The following TRIP12 variants were observed in gnomAD, a reference collection of about 807,000 sequenced individuals.
The protein encoded by TRIP12 is thyroid hormone receptor interactor 12, also known as E3 ubiquitin-protein ligase TRIP12.
TRIP12 carries 25 observed loss-of-function variants against 244.2 expected under a neutral mutation model. The observed-to-expected ratio is 0.10, with a 90% CI of 0.07 to 0.14. TRIP12 has a LOEUF of 0.14. Among genes scored for constraint, TRIP12 ranks in the 10% least tolerant of loss-of-function variants. TRIP12 has a pLI of 1.00. For synonymous variants in TRIP12, 905 were observed against 873.1 expected, an observed-to-expected ratio of 1.04 and a Z score of -0.64; for missense variants, 1,677 against 2,486.4, an observed-to-expected ratio of 0.67 and a Z score of 6.92.
intron 1 of TRIP12, among the ~76,000 whole-genome samples, chr2:229,908,371 G>C (rs1246321823): frequency 6.6e-6 from 1 of 152,124 alleles, no homozygotes; most frequent in Non-Finnish European, 1.5e-5. Context: ...GAAATATCTT[G>C]GTAGTATTTT....
chr2:229,796,536 T>C (rs1036553315), intron 25 of TRIP12, 55 bp downstream of exon 25: 5 of 1,394,058 alleles, frequency 3.6e-6, no homozygotes, highest in Admixed American at 2.7e-5. Context: ...TGAAAATATA[T>C]GCATTAGTGA....
At chr2:229,783,931 A>G (rs897767714) in intron 34 of TRIP12, among the ~76,000 whole-genome samples, 2 of 151,700 alleles carry the variant, frequency 1.3e-5, no homozygotes, top group African/African-American at 2.4e-5. Context: ...ACCAACATGC[A>G]GAAACCCTGT....
At chr2:229,921,120 T>G (rs545434447) in intron 1 of TRIP12, among the ~76,000 whole-genome samples, 1 of 152,018 alleles carries the variant, frequency 6.6e-6, no homozygotes, top group South Asian at 2.1e-4. Context: ...TTTCTCGGCT[T>G]CTTTAGGCCT....
intron 1 of TRIP12, among the ~76,000 whole-genome samples, chr2:229,890,119 G>A (rs1037559505): frequency 6.5e-5 from 9 of 138,834 alleles, no homozygotes; most frequent in Non-Finnish European, 1.2e-4. Flanking sequence ...TTGTTCTGTC[G>A]CCCAGGCTGG....
chr2:229,922,392 A>G (rs1315779874), upstream of TRIP12: 2 of 924,384 alleles, frequency 2.2e-6, no homozygotes, highest in Non-Finnish European at 3.4e-6. Context: ...GATCGCCCCA[A>G]GTTAGAAATC....
chr2:229,896,281 T>A (rs2068791261), intron 1 of TRIP12, among the ~76,000 whole-genome samples: 1 of 152,128 alleles, frequency 6.6e-6, no homozygotes, highest in Non-Finnish European at 1.5e-5. Context: ...AAAGACCTTG[T>A]TAAATATACT....
intron 34 of TRIP12, among the ~76,000 whole-genome samples, chr2:229,785,429 T>C (rs116205907): frequency 6.6e-6 from 1 of 152,218 alleles, no homozygotes; most frequent in Non-Finnish European, 1.5e-5. Flanking sequence ...TTTTGAAGTA[T>C]GCAGTTATTA....
At chr2:229,843,844 T>A (rs1481344609) in intron 4 of TRIP12, among the ~76,000 whole-genome samples, 1 of 151,280 alleles carries the variant, frequency 6.6e-6, no homozygotes, top group Non-Finnish European at 1.5e-5. Context: ...ATTACACTAC[T>A]GCACTCCAGC....
At chr2:229,801,807 G>T (rs2044422965) in intron 21 of TRIP12, among the ~76,000 whole-genome samples, 1 of 152,068 alleles carries the variant, frequency 6.6e-6, no homozygotes, top group African/African-American at 2.4e-5. Context: ...TGGGGAATCA[G>T]TATTTTTTGG....
At chr2:229,913,844 AAAC>A (rs2074830273) in intron 1 of TRIP12, among the ~76,000 whole-genome samples, 1 of 152,358 alleles carries the variant, frequency 6.6e-6, no homozygotes, top group East Asian at 1.9e-4. Flanking sequence ...GTTAAAATGT[AAAC>A]AACTAATTAT....
chr2:229,809,477 A>AG (rs1233308666), intron 15 of TRIP12, among the ~76,000 whole-genome samples: 11 of 152,342 alleles, frequency 7.2e-5, no homozygotes, highest in African/African-American at 1.9e-4. Flanking sequence ...AAGAAAAAAA[A>AG]TGTTAAAACA....
At chr2:229,889,191 G>C (rs971828325) in intron 1 of TRIP12, among the ~76,000 whole-genome samples, 70 of 152,312 alleles carry the variant, frequency 4.6e-4, no homozygotes, top group African/African-American at 1.6e-3. Context: ...CTCCAAGTAA[G>C]GAAGTACGTG....
intron 34 of TRIP12, among the ~76,000 whole-genome samples, chr2:229,784,480 A>T (rs2154252192): frequency 6.6e-6 from 1 of 150,842 alleles, no homozygotes; most frequent in South Asian, 2.1e-4. Flanking sequence ...TGGTTTAGAG[A>T]AAGATTTCTT....
rs2052881444 is a variant in TRIP12 at position 229,830,004 on chromosome 2, ACT to A, written c.1355-718_1355-717del. On this transcript the variant is annotated intron_variant, in intron 7 of 41. Transcript: ENST00000675903. ...TCCTGAGAGTCCGAGTCCTAGAGAT[ACT>A]TGTATGTTCCCTCAGGAATTTAAAA... 1.3e-5 allele frequency among the ~76,000 whole-genome samples: 2 copies of A among 152,200 alleles called. 1 individual carries two copies. Among genetic ancestry groups the A allele is most frequent in the South Asian group, 4.1e-4 (2 of 4,826 alleles).
intron 31 of TRIP12, among the ~76,000 whole-genome samples, 184 bp from the exon 32 acceptor site, chr2:229,789,124 G>A (rs932903124): frequency 2.0e-5 from 3 of 152,096 alleles, no homozygotes; most frequent in African/African-American, 7.2e-5. Context: ...ACAATACACT[G>A]TTAAGCCCTC....
chr2:229,908,746 G>C (rs1276186202), intron 1 of TRIP12, among the ~76,000 whole-genome samples: 3 of 132,100 alleles, frequency 2.3e-5, no homozygotes, highest in Admixed American at 7.7e-5. Flanking sequence ...AAAAAAAAAA[G>C]ATTTTATGCT....
At chr2:229,841,040 C>A in intron 4 of TRIP12, 113 bp from the exon 5 acceptor site, 2 of 763,468 alleles carry the variant, frequency 2.6e-6, no homozygotes, top group Non-Finnish European at 4.3e-6. Context: ...ATTTTTATAA[C>A]CTCTCCAGCA....
intron 1 of TRIP12, among the ~76,000 whole-genome samples, chr2:229,897,853 T>C (rs1435608198): frequency 6.6e-6 from 1 of 152,158 alleles, no homozygotes; most frequent in Non-Finnish European, 1.5e-5. Flanking sequence ...CACAGACTCC[T>C]ATGAATGCTG....
At chr2:229,847,080 T>C (rs2057719457) in intron 4 of TRIP12, among the ~76,000 whole-genome samples, 1 of 152,254 alleles carries the variant, frequency 6.6e-6, no homozygotes, top group African/African-American at 2.4e-5. Flanking sequence ...TTTCAAAATA[T>C]ATGTCAATAT....
Sources: allele counts gnomAD v4.1 joint callset (sites outside exome capture counted in the v4.1 genomes callset), GRCh38; gene constraint gnomAD v4.1.1; transcripts MANE v1.5; gene names NCBI Gene and HGNC (gene_info 2026-07-23, HGNC 2026-07-21).